The following TRMT10B variants were observed in gnomAD, a reference collection of about 807,000 sequenced individuals.
TRMT10B encodes tRNA methyltransferase 10 homolog B.
A neutral mutation model predicts 43.8 loss-of-function variants in TRMT10B; 33 were observed. The observed-to-expected ratio is 0.75, with a 90% CI of 0.57 to 1.01. The LOEUF (loss-of-function observed/expected upper bound fraction) is 1.01, where lower values mean the gene tolerates loss of function less well. TRMT10B is among the 50% of genes least tolerant of loss of function. TRMT10B has a pLI of 0.00. For synonymous variants in TRMT10B, 137 were observed against 130.6 expected (o/e 1.05, Z -0.34); for missense variants, 362 against 369.8 (o/e 0.98, Z 0.17).
At chr9:37,765,294 C>G in intron 4 of TRMT10B, among the ~76,000 whole-genome samples, 1 of 152,028 alleles carries the variant, frequency 6.6e-6, no homozygotes, top group Middle Eastern at 3.4e-3. Flanking sequence ...TTCCCCTTCC[C>G]GTGTCCATGT....
chr9:37,764,021 C>A (rs1826708034), intron 4 of TRMT10B, among the ~76,000 whole-genome samples: 1 of 152,210 alleles, frequency 6.6e-6, no homozygotes, highest in South Asian at 2.1e-4. Context: ...TCATGATATC[C>A]TCAGTCTGGA....
chr9:37,770,002 C>T lies in TRMT10B; in HGVS notation c.635C>T (p.Thr212Ile). 5.0e-6 allele frequency: 8 copies of T among 1,613,760 alleles called. No homozygotes were observed. Among genetic ancestry groups the T allele is most frequent in the Non-Finnish European group, 6.8e-6 (8 of 1,179,640 alleles). The change falls in exon 6 of 9, where the codon ACT becomes ATT. Residue 212 changes from threonine (T) to isoleucine (I), a missense_variant. By Grantham distance (89) the Thr-to-Ile change is moderately conservative. Transcript: ENST00000297994. ...CCCTTGGAAACCCTTGTGTACCTGACTCCTGACTCAGAACACGGTATGTAG... is the reference window on the plus strand; with the variant it reads ...CCCTTGGAAACCCTTGTGTACCTGATTCCTGACTCAGAACACGGTATGTAG... ...LFPLETLVYL[T>I]PDSEHALEDV...
chr9:37,769,308 T>TTAAA (rs1827297042), intron 5 of TRMT10B, among the ~76,000 whole-genome samples: 1 of 60,718 alleles, frequency 1.6e-5, no homozygotes, highest in Non-Finnish European at 2.8e-5. Flanking sequence ...ACCCTGTCTT[T>TTAAA]AAAAAAAAAA....
chr9:37,759,989 T>C (rs1399660109), intron 1 of TRMT10B, among the ~76,000 whole-genome samples: 1 of 152,196 alleles, frequency 6.6e-6, no homozygotes, highest in Non-Finnish European at 1.5e-5. Flanking sequence ...AAGATCAAGG[T>C]AACTTGATCT....
At chr9:37,777,349 G>A (rs1303793678) in intron 8 of TRMT10B, among the ~76,000 whole-genome samples, 2 of 148,848 alleles carry the variant, frequency 1.3e-5, no homozygotes, top group East Asian at 3.9e-4. Context: ...CCACAGCAGA[G>A]CCCTTCTGTT....
At chr9:37,771,365 T>A (rs888552835) in intron 7 of TRMT10B, among the ~76,000 whole-genome samples, 1 of 152,208 alleles carries the variant, frequency 6.6e-6, no homozygotes, top group Admixed American at 6.5e-5. Flanking sequence ...AGGCAACCGA[T>A]GTCAAGTTTT....
intron 3 of TRMT10B, among the ~76,000 whole-genome samples, 187 bp downstream of exon 3, chr9:37,762,872 C>A (rs777649550): frequency 1.3e-4 from 19 of 151,550 alleles, no homozygotes; most frequent in Non-Finnish European, 2.1e-4. Flanking sequence ...GTGGCTCACA[C>A]CTGTAATCCC....
intron 1 of TRMT10B, among the ~76,000 whole-genome samples, chr9:37,759,329 TGTATAA>T (rs1338543268): frequency 3.6e-4 from 55 of 152,142 alleles, no homozygotes; most frequent in Non-Finnish European, 1.0e-4. Flanking sequence ...TGCAGCAACA[TGTATAA>T]GTCTCAAATA....
chr9:37,755,622 C>T (rs1264071695), intron 1 of TRMT10B, among the ~76,000 whole-genome samples: 1 of 152,098 alleles, frequency 6.6e-6, no homozygotes, highest in Non-Finnish European at 1.5e-5. Context: ...AGAGGTGGGC[C>T]CCGCCTTCAG....
intron 8 of TRMT10B, 128 bp from the exon 9 acceptor site, chr9:37,777,472 CG>C: frequency 1.4e-6 from 1 of 715,484 alleles, no homozygotes; most frequent in South Asian, 1.8e-5. Flanking sequence ...TGCCTCTCCC[CG>C]CAAGACCTTA....
At chr9:37,758,863 G>T (rs1563985434) in intron 1 of TRMT10B, among the ~76,000 whole-genome samples, 1 of 152,164 alleles carries the variant, frequency 6.6e-6, no homozygotes, top group African/African-American at 2.4e-5. Context: ...CTACCTGAGG[G>T]TGCATAGTGA....
chr9:37,769,885 G>C, intron 5 of TRMT10B, 56 bp from the exon 6 acceptor site: 6 of 1,433,416 alleles, frequency 4.2e-6, no homozygotes, highest in Non-Finnish European at 5.9e-6. Flanking sequence ...TTACAGACGT[G>C]AGCCACCCCA....
intron 4 of TRMT10B, among the ~76,000 whole-genome samples, chr9:37,765,748 G>A (rs1826919732): frequency 6.6e-6 from 1 of 152,160 alleles, no homozygotes; most frequent in African/African-American, 2.4e-5. Flanking sequence ...TCCAGCACCT[G>A]TTGTTTCCTG....
chr9:37,755,020 T>C (rs1825468098), intron 1 of TRMT10B, among the ~76,000 whole-genome samples: 1 of 152,104 alleles, frequency 6.6e-6, no homozygotes, highest in Non-Finnish European at 1.5e-5. Context: ...CCTGTAATCC[T>C]AGCACTTTGG....
intron 4 of TRMT10B, among the ~76,000 whole-genome samples, chr9:37,766,043 A>G (rs1480496441): frequency 2.0e-5 from 3 of 151,118 alleles, no homozygotes; most frequent in Admixed American, 1.3e-4. Context: ...GTTCACTCTG[A>G]TGGTGGTTTC....
chr9:37,756,836 A>G (rs7874198), intron 1 of TRMT10B, among the ~76,000 whole-genome samples: 23,445 of 150,936 alleles, frequency 0.16, 1,915 homozygotes, highest in South Asian at 0.23. Context: ...ATGCGTGTGT[A>G]TGTATGTGTG....
intron 7 of TRMT10B, among the ~76,000 whole-genome samples, chr9:37,774,789 C>T (rs934204020): frequency 1.3e-5 from 2 of 152,222 alleles, no homozygotes; most frequent in Admixed American, 6.5e-5. Flanking sequence ...AGGTCCACTT[C>T]ACACTATTCC....
upstream of TRMT10B, among the ~76,000 whole-genome samples, chr9:37,753,247 T>G (rs755382509): frequency 6.6e-6 from 1 of 152,214 alleles, no homozygotes; most frequent in Non-Finnish European, 1.5e-5. Flanking sequence ...ATTCTTGAAG[T>G]CAGTGAGACC....
Position 37,777,758 on chromosome 9 carries a change from C to T in TRMT10B, c.*51C>T, listed in dbSNP as rs752030342. 1 of 1,496,078 alleles carries T rather than the reference C, an allele frequency of 6.7e-7. No individual in the cohort carries two copies. Among genetic ancestry groups the T allele is most frequent in the Non-Finnish European group, 9.3e-7 (1 of 1,074,138 alleles). The allele number at this position is 1,496,078 out of a possible 1,614,324, so 92.7% of individuals were successfully genotyped here. A position where few individuals can be genotyped will look rare whatever the true frequency, so the allele number is the denominator to read the frequency against. On this transcript the variant is annotated 3_prime_UTR_variant, in exon 9 of 9. Coordinates refer to ENST00000297994, the MANE Select transcript of TRMT10B (RefSeq NM_144964.4). The stretch of plus-strand genomic sequence containing the variant: ...CCAGGTGCTCACGCCGTAATGCCAA[C>T]ACTTTGGTAGACCGAAGTGGGCAGA...
Sources: allele counts gnomAD v4.1 joint callset (sites outside exome capture counted in the v4.1 genomes callset), GRCh38; gene constraint gnomAD v4.1.1; transcripts MANE v1.5; gene names NCBI Gene and HGNC (gene_info 2026-07-23, HGNC 2026-07-21).